The following OR52E5 variants were observed in gnomAD, a reference collection of about 807,000 sequenced individuals.
The protein encoded by OR52E5 is olfactory receptor family 52 subfamily E member 5, also known as olfactory receptor 52E5.
At chr11:5,894,400 C>T (rs1386950919) in intron 1 of OR52E5, among the ~76,000 whole-genome samples, 1 of 151,558 alleles carries the variant, frequency 6.6e-6, no homozygotes, top group South Asian at 2.1e-4. Context: ...TGATAACTCA[C>T]GTAACAGAAA....
Position 5,900,001 on chromosome 11 carries a change from TG to T in OR52E5, c.-145-629del, listed in dbSNP as rs375207584. The stretch of plus-strand genomic sequence containing the variant: ...GACAATTACACTGCCACTATCTAGG[TG>T]GCATTATGAAGCGATTGCCCATTTA... On this transcript the variant is annotated intron_variant, in intron 2 of 2. Transcript: ENST00000610445. 2.7e-3 allele frequency among the ~76,000 whole-genome samples: 409 copies of T among 152,274 alleles called. 1 individual carries two copies. The highest frequency in any genetic ancestry group is 9.0e-3 in the African/African-American group (376 of 41,560).
rs534529634 is a variant in OR52E5, at chr11:5,896,114, T to C, written c.-146+401T>C. Among the ~76,000 whole-genome samples, 7 of 150,790 alleles carry C rather than the reference T, an allele frequency of 4.6e-5. No individual in the cohort carries two copies. In the East Asian group the frequency reaches 9.7e-4, roughly 21 times the overall value. The stretch of plus-strand genomic sequence containing the variant: ...ACTAAAATGTAGGTAGGAATATAAA[T>C]AGAGATTTTAAAAACAGAACAGGGT... On this transcript the variant is annotated intron_variant, in intron 2 of 2. Coordinates refer to ENST00000610445, the MANE Select transcript of OR52E5 (RefSeq NM_001005166.5).
chr11:5,896,246 TAA>T (rs56197568), intron 2 of OR52E5, among the ~76,000 whole-genome samples: 8 of 53,542 alleles, frequency 1.5e-4, no homozygotes, highest in African/African-American at 2.7e-4. Flanking sequence ...TCGTCTCTAC[TAA>T]AAAAAAAAAA....
chr11:5,897,278 T>C lies in OR52E5; in HGVS notation c.-146+1565T>C, dbSNP rs530367736. On this transcript the variant is annotated intron_variant, in intron 2 of 2. Transcript: ENST00000610445. ...AAAAGGTAGTTTTTCAACTCTTGCC[T>C]CTCTACCTCCCTCCCCACCTTTGTA... 2.0e-5 allele frequency among the ~76,000 whole-genome samples: 3 copies of C among 152,244 alleles called. No homozygotes were observed. The East Asian group carries it at 5.8e-4, about 30-fold the overall frequency.
In OR52E5 at chr11:5,901,941, T is replaced by C; in HGVS notation, c.*181T>C. 1 of 391,624 alleles carries C rather than the reference T, an allele frequency of 2.6e-6. No individual in the cohort carries two copies. The highest frequency in any genetic ancestry group is 4.5e-6 in the Non-Finnish European group (1 of 220,416). 24.3% of individuals were successfully genotyped at this position (391,624 alleles called of 1,614,324 possible). A position where few individuals can be genotyped will look rare whatever the true frequency, so the allele number is the denominator to read the frequency against. On this transcript the variant is annotated 3_prime_UTR_variant, in exon 3 of 3. Transcript: ENST00000610445. ...TTTCACCCATTAAAAGTGCAAAAAG[T>C]ACTCACACTTAAGCCCCATGATACT...
rs1847249101 is a variant in OR52E5, at chr11:5,901,274, G to A, written c.498G>A (p.Leu166=). The A allele has an allele frequency of 2.5e-6, 1 of 401,574 alleles. No individual in the cohort carries two copies. The highest frequency in any genetic ancestry group is 2.1e-5 in the African/African-American group (1 of 48,618). 24.9% of individuals were successfully genotyped at this position (401,574 alleles called of 1,614,324 possible). ...VFVTPFTFLI[L]RLPFCGVRII... ...TGACTCCATTCACATTTCTCATCCT[G>A]AGATTGCCTTTCTGTGGTGTCCGGA... Residue 166 remains leucine, a synonymous_variant, in exon 3 of 3, where the codon CTG becomes CTA. Transcript: ENST00000610445.
chr11:5,894,012 C>A (rs1461386014), intron 1 of OR52E5, among the ~76,000 whole-genome samples: 1 of 152,078 alleles, frequency 6.6e-6, no homozygotes, highest in Non-Finnish European at 1.5e-5. Context: ...TTCTGCCCGC[C>A]ATTCTCTATC....
intron 2 of OR52E5, among the ~76,000 whole-genome samples, chr11:5,896,154 A>C (rs1056919681): frequency 2.8e-4 from 42 of 147,810 alleles, no homozygotes; most frequent in African/African-American, 1.0e-3. Context: ...TAATCAGAGA[A>C]GACTTTGGGA....
intron 2 of OR52E5, among the ~76,000 whole-genome samples, chr11:5,897,744 T>TA (rs1847194966): frequency 6.6e-6 from 1 of 152,218 alleles, no homozygotes; most frequent in Non-Finnish European, 1.5e-5. Flanking sequence ...TAATACTGTG[T>TA]AAGTGTTCCT....
Position 5,901,940 on chromosome 11 carries a change from G to A in OR52E5, c.*180G>A, listed in dbSNP as rs1281791715. ...GTTTCACCCATTAAAAGTGCAAAAA[G>A]TACTCACACTTAAGCCCCATGATAC... is the stretch of plus-strand genomic sequence containing the variant. On this transcript the variant is annotated 3_prime_UTR_variant, in exon 3 of 3. Transcript: ENST00000610445. The A allele has an allele frequency of 5.1e-6, 2 of 391,862 alleles. No homozygotes were observed. The highest frequency in any genetic ancestry group is 4.1e-5 in the African/African-American group (2 of 48,428). The allele number at this position is 391,862 out of a possible 1,614,324, so 24.3% of individuals were successfully genotyped here. A position where few individuals can be genotyped will look rare whatever the true frequency, so the allele number is the denominator to read the frequency against.
At chr11:5,900,015 G>A (rs1035880868) in intron 2 of OR52E5, among the ~76,000 whole-genome samples, 6 of 152,042 alleles carry the variant, frequency 3.9e-5, no homozygotes, top group South Asian at 2.1e-4. Context: ...ATTATGAAGC[G>A]ATTGCCCATT....
chr11:5,899,386 G>A (rs1033716720), intron 2 of OR52E5, among the ~76,000 whole-genome samples: 3 of 152,088 alleles, frequency 2.0e-5, no homozygotes, highest in South Asian at 2.1e-4. Flanking sequence ...TAGCAGAATC[G>A]TGACATATCT....
Position 5,901,235 on chromosome 11 carries a change from G to A in OR52E5, c.459G>A (p.Arg153=), listed in dbSNP as rs115198324. The part of the protein sequence containing the change: ...IAILGIVIIV[R]TLVFVTPFTF... ...TTCTGGGCATAGTCATCATTGTCAG[G>A]ACTTTGGTATTTGTGACTCCATTCA... is the stretch of plus-strand genomic sequence containing the variant. Residue 153 remains arginine (R), a synonymous_variant, in exon 3 of 3, where the codon AGG becomes AGA. Transcript: ENST00000610445. 50 of 400,306 alleles carry A rather than the reference G, an allele frequency of 1.2e-4. No individual in the cohort carries two copies. The highest frequency in any genetic ancestry group is 1.0e-3 in the African/African-American group (48 of 47,536). The allele number at this position is 400,306 out of a possible 1,614,324, so 24.8% of individuals were successfully genotyped here.
rs1470986919 is a variant in OR52E5 at position 5,901,885 on chromosome 11, A to G, written c.*125A>G. The G allele has an allele frequency of 7.5e-6, 3 of 398,786 alleles. No homozygotes were observed. The allele number at this position is 398,786 out of a possible 1,614,324, so 24.7% of individuals were successfully genotyped here. A position where few individuals can be genotyped will look rare whatever the true frequency, so the allele number is the denominator to read the frequency against. On this transcript the variant is annotated 3_prime_UTR_variant, in exon 3 of 3. Transcript: ENST00000610445. The stretch of plus-strand genomic sequence containing the variant: ...ATTTCAGTACGGTCTGTTGGAAGTT[A>G]TAGCTCAAAGATTCCAAAACAATCT...
At position 5,902,148 on chromosome 11, in the gene OR52E5, G is replaced by T. The variant is rs77288710; in HGVS notation, c.*388G>T. On this transcript the variant is annotated 3_prime_UTR_variant, in exon 3 of 3. Coordinates refer to ENST00000610445, the MANE Select transcript of OR52E5 (RefSeq NM_001005166.5). ...ATACAGTGGCAAGAGAAATTAACTA[G>T]GAGTCATAAGATCTAGATTTAAATA... is the stretch of plus-strand genomic sequence containing the variant. 20,517 of 159,720 alleles carry T rather than the reference G, an allele frequency of 0.13. 1,363 individuals are homozygous for T. The highest frequency in any genetic ancestry group is 0.15 in the East Asian group (806 of 5,454). 9.9% of individuals were successfully genotyped at this position (159,720 alleles called of 1,614,324 possible).
intron 1 of OR52E5, among the ~76,000 whole-genome samples, chr11:5,893,792 A>G (rs1206688031): frequency 6.6e-6 from 1 of 152,088 alleles, no homozygotes; most frequent in Non-Finnish European, 1.5e-5. Context: ...CAACAACTAG[A>G]TAATATAGAA....
intron 1 of OR52E5, among the ~76,000 whole-genome samples, chr11:5,894,900 T>C (rs1847152970): frequency 1.3e-5 from 2 of 152,184 alleles, no homozygotes; most frequent in African/African-American, 2.4e-5. Context: ...AGAATAATTT[T>C]GCCCCAATAA....
intron 1 of OR52E5, among the ~76,000 whole-genome samples, chr11:5,894,076 G>A (rs1421171578): frequency 6.6e-6 from 1 of 152,122 alleles, no homozygotes; most frequent in Non-Finnish European, 1.5e-5. Context: ...CAATAGGGAA[G>A]ATTATTATTT....
At chr11:5,899,514 G>A (rs1847220365) in intron 2 of OR52E5, among the ~76,000 whole-genome samples, 1 of 152,044 alleles carries the variant, frequency 6.6e-6, no homozygotes, top group South Asian at 2.1e-4. Flanking sequence ...CAAGTCATAG[G>A]GATAGTTTTT....
Sources: gnomAD v4.1 joint callset for allele counts (sites outside exome capture counted in the v4.1 genomes callset) on GRCh38, gnomAD v4.1.1 for gene constraint, MANE v1.5 for transcripts, NCBI Gene and HGNC (gene_info 2026-07-23, HGNC 2026-07-21) for gene names.